The following ARHGEF3 variants were observed in gnomAD, a reference collection of about 807,000 sequenced individuals.
The protein encoded by ARHGEF3 is Rho guanine nucleotide exchange factor 3, also known as 59.8 kDA protein.
In ARHGEF3, 28 loss-of-function variants were observed where a neutral mutation model predicts 63.2. The observed-to-expected ratio is 0.44, with a 90% CI of 0.33 to 0.61. The LOEUF (loss-of-function observed/expected upper bound fraction) is 0.61, where lower values mean the gene tolerates loss of function less well. Among genes scored for constraint, ARHGEF3 ranks in the 20% least tolerant of loss-of-function variants. ARHGEF3 has a pLI of 0.03. For synonymous variants in ARHGEF3, 266 were observed against 254.2 expected, an observed-to-expected ratio of 1.05 and a Z score of -0.44; for missense variants, 533 against 659.3, an observed-to-expected ratio of 0.81 and a Z score of 2.10.
rs2032875554 is a variant in ARHGEF3, at chr3:56,728,526, T to C, written c.*744A>G. 6.5e-6 allele frequency: 1 copy of C among 152,684 alleles called. No homozygotes were observed. Among genetic ancestry groups the C allele is most frequent in the African/African-American group, 2.4e-5 (1 of 41,468 alleles). The allele number at this position is 152,684 out of a possible 1,614,324, so 9.5% of individuals were successfully genotyped here. ...TGGGTTCTATTCTGATGTTTTAGGC[T>C]AGCAACCAACTATGAGAGACACCTC... On this transcript the variant is annotated 3_prime_UTR_variant, in exon 10 of 10. Transcript: ENST00000296315.
chr3:56,788,476 T>C (rs2036929798), intron 1 of ARHGEF3, among the ~76,000 whole-genome samples: 1 of 152,156 alleles, frequency 6.6e-6, no homozygotes, highest in African/African-American at 2.4e-5. Flanking sequence ...TAAAGAGCAT[T>C]AGGGGTCATT....
At chr3:57,047,117 G>A (rs984166265) in intron 1 of ARHGEF3, among the ~76,000 whole-genome samples, 1 of 152,220 alleles carries the variant, frequency 6.6e-6, no homozygotes, top group Admixed American at 6.5e-5. Context: ...GGGAGCCAAG[G>A]TGGGCAGATC....
intron 2 of ARHGEF3, among the ~76,000 whole-genome samples, chr3:56,999,548 G>A (rs970894539): frequency 3.9e-5 from 6 of 152,152 alleles, no homozygotes; most frequent in Admixed American, 2.6e-4. Flanking sequence ...GGCTCACACT[G>A]TAATCCCAAC....
At chr3:56,767,878 C>T (rs2035796346) in intron 2 of ARHGEF3, among the ~76,000 whole-genome samples, 1 of 151,900 alleles carries the variant, frequency 6.6e-6, no homozygotes, top group South Asian at 2.1e-4. Context: ...TCCCAAGTAG[C>T]TGGGACAACA....
intron 3 of ARHGEF3, among the ~76,000 whole-genome samples, chr3:56,915,267 G>A (rs2041957382): frequency 2.0e-5 from 3 of 150,046 alleles, no homozygotes; most frequent in South Asian, 2.1e-4. Context: ...TTTAAGATGA[G>A]CCTGAGCAAC....
rs200885746 is a variant in ARHGEF3 at position 56,963,006 on chromosome 3, TGCTGTCTGC to T, written c.63-4126_63-4118del. Among the ~76,000 whole-genome samples, 17 of 152,242 alleles carry T rather than the reference TGCTGTCTGC, an allele frequency of 1.1e-4. No homozygotes were observed. The East Asian group carries it at 3.3e-3, about 29-fold the overall frequency. On this transcript the variant is annotated intron_variant, in intron 2 of 12. Coordinates refer to the ARHGEF3 transcript ENST00000338458. ...ATTGAACATGTATTTAGACTGCTCC[TGCTGTCTGC>T]GCACTGTGTGGGGCTCAGAACATGG...
chr3:57,061,933 C>T (rs1002410746), intron 1 of ARHGEF3, among the ~76,000 whole-genome samples: 6 of 152,138 alleles, frequency 3.9e-5, no homozygotes, highest in South Asian at 2.1e-4. Context: ...ATTGTTTCTC[C>T]GGTTGTGACA....
At chr3:56,751,477 G>T in intron 4 of ARHGEF3, 81 bp from the exon 5 acceptor site, 1 of 1,164,370 alleles carries the variant, frequency 8.6e-7, no homozygotes, top group Non-Finnish European at 1.3e-6. Flanking sequence ...CTCCTGAGAG[G>T]TCCTATCCAA....
At chr3:56,860,229 G>GC (rs2040027906) in intron 4 of ARHGEF3, among the ~76,000 whole-genome samples, 1 of 151,998 alleles carries the variant, frequency 6.6e-6, no homozygotes. Context: ...CCAGGATGGA[G>GC]TGTAGTGGTA....
intron 2 of ARHGEF3, among the ~76,000 whole-genome samples, chr3:57,032,665 G>A (rs572369646): frequency 2.0e-5 from 3 of 152,318 alleles, no homozygotes; most frequent in East Asian, 1.9e-4. Context: ...AGTGATCCAC[G>A]CAGAGGCTGA....
At chr3:56,977,914 T>C (rs969701360) in intron 2 of ARHGEF3, among the ~76,000 whole-genome samples, 65 of 152,196 alleles carry the variant, frequency 4.3e-4, no homozygotes, top group African/African-American at 1.5e-3. Flanking sequence ...AAGGCAATGG[T>C]GCTGGGACTG....
intron 9 of ARHGEF3, among the ~76,000 whole-genome samples, chr3:56,730,713 T>C (rs1344578669): frequency 6.6e-6 from 1 of 152,140 alleles, no homozygotes; most frequent in Non-Finnish European, 1.5e-5. Context: ...ATAATGGACA[T>C]TTAAAGGGCC....
intron 4 of ARHGEF3, among the ~76,000 whole-genome samples, chr3:56,819,976 A>T (rs2038417772): frequency 6.6e-6 from 1 of 151,872 alleles, no homozygotes; most frequent in Admixed American, 6.6e-5. Flanking sequence ...TACCCAGCTA[A>T]TTTTTTTAGT....
chr3:56,747,707 C>T (rs1474878488), intron 6 of ARHGEF3, among the ~76,000 whole-genome samples: 1 of 152,082 alleles, frequency 6.6e-6, no homozygotes, highest in African/African-American at 2.4e-5. Context: ...GCCTGTAATC[C>T]CAGCTTCTTG....
intron 2 of ARHGEF3, among the ~76,000 whole-genome samples, chr3:57,026,010 C>T (rs11130563): frequency 1.3e-5 from 2 of 151,982 alleles, no homozygotes; most frequent in East Asian, 1.9e-4. Context: ...AGACTCCCCC[C>T]ATTCACACCC....
chr3:56,885,072 C>T (rs984120844), intron 3 of ARHGEF3, among the ~76,000 whole-genome samples: 2 of 152,154 alleles, frequency 1.3e-5, no homozygotes, highest in Admixed American at 6.5e-5. Context: ...GAGCACTGTA[C>T]TGAGAAGGAC....
intron 2 of ARHGEF3, among the ~76,000 whole-genome samples, chr3:57,034,769 G>A (rs1375535763): frequency 8.5e-5 from 12 of 141,090 alleles, no homozygotes; most frequent in South Asian, 4.6e-4. Flanking sequence ...CAATCCTCCC[G>A]CCTCAGCCTC....
At chr3:56,782,866 C>G (rs1272073859) in intron 1 of ARHGEF3, among the ~76,000 whole-genome samples, 1 of 152,288 alleles carries the variant, frequency 6.6e-6, no homozygotes, top group South Asian at 2.1e-4. Context: ...GCAAGAGAGT[C>G]TGGGCAAACC....
intron 3 of ARHGEF3, among the ~76,000 whole-genome samples, chr3:56,886,213 C>T (rs1392682752): frequency 2.0e-5 from 3 of 152,154 alleles, no homozygotes; most frequent in South Asian, 4.1e-4. Context: ...GAGACATAAG[C>T]CCATGAAGGC....
Sources: allele counts gnomAD v4.1 joint callset (sites outside exome capture counted in the v4.1 genomes callset), GRCh38; gene constraint gnomAD v4.1.1; transcripts MANE v1.5; gene names NCBI Gene and HGNC (gene_info 2026-07-23, HGNC 2026-07-21).